Variants in OPRM1 observed in about 807,000 individuals in gnomAD.
OPRM1 encodes opioid receptor mu 1.
In OPRM1, 27 loss-of-function variants were observed where a neutral mutation model predicts 31.8. The observed-to-expected ratio is 0.85, with a 90% CI of 0.63 to 1.17. The LOEUF (loss-of-function observed/expected upper bound fraction) is 1.17. OPRM1 is among the 50% of genes most tolerant of loss of function. The probability of loss-of-function intolerance (pLI) is 0.00; values close to 1 mark genes in which losing one functional copy is unlikely to be tolerated. For missense variants in OPRM1, 536 were observed against 511.1 expected (o/e 1.05, Z -0.47); for synonymous variants, 196 against 189.9 (o/e 1.03, Z -0.26).
intron 3 of OPRM1, among the ~76,000 whole-genome samples, chr6:154,144,866 A>G (rs1437595034): frequency 1.3e-5 from 2 of 152,118 alleles, no homozygotes; most frequent in Non-Finnish European, 2.9e-5. Context: ...TATCAATAGT[A>G]AAAGAAGAAA....
intron 1 of OPRM1, among the ~76,000 whole-genome samples, chr6:154,081,051 A>G (rs1403251700): frequency 1.3e-5 from 2 of 152,210 alleles, no homozygotes; most frequent in East Asian, 3.8e-4. Context: ...GTGAGAAAGA[A>G]TAAGTGTATT....
rs1039158262 is a variant in OPRM1, at chr6:154,222,813, A to G, written c.1165-23880A>G. On this transcript the variant is annotated intron_variant, in intron 3 of 3. Transcript: ENST00000337049. ...AGCTGGTCTTGCTGGCGTATCTGCA[A>G]CTCGGGTGAGTCCTATTTAACTGCT... 10 of 248,016 alleles carry G rather than the reference A, an allele frequency of 4.0e-5. No individual in the cohort carries two copies. In the East Asian group the frequency reaches 8.5e-4, roughly 21 times the overall value. 15.4% of individuals were successfully genotyped at this position (248,016 alleles called of 1,614,324 possible). A position where few individuals can be genotyped will look rare whatever the true frequency, so the allele number is the denominator to read the frequency against.
intron 3 of OPRM1, among the ~76,000 whole-genome samples, chr6:154,210,617 G>A (rs2128604033): frequency 6.6e-6 from 1 of 152,268 alleles, no homozygotes; most frequent in East Asian, 1.9e-4. Context: ...ATATCATTAA[G>A]TTTGAAAGAT....
intron 3 of OPRM1, among the ~76,000 whole-genome samples, chr6:154,190,121 C>A (rs1386613922): frequency 6.6e-6 from 1 of 152,098 alleles, no homozygotes; most frequent in Non-Finnish European, 1.5e-5. Flanking sequence ...CAGTTTGAAT[C>A]TGGTCCCAAA....
rs1211904596 is a variant in OPRM1, at chr6:154,122,149, GGCCACACAC to G, written c.*3429_*3437del. Among the ~76,000 whole-genome samples the G allele has an allele frequency of 6.6e-6, 1 of 152,004 alleles. No individual in the cohort carries two copies. The highest frequency in any genetic ancestry group is 2.4e-5 in the African/African-American group (1 of 41,352). ...GCTTAAGTTTTTCAGCTTCTTAACTGGCCACACACACACAAGTTGTGTTTGTACAATTCT... is the reference window on the plus strand; with the variant it reads ...GCTTAAGTTTTTCAGCTTCTTAACTGACACAAGTTGTGTTTGTACAATTCT... On this transcript the variant is annotated 3_prime_UTR_variant, in exon 4 of 4. Transcript: ENST00000330432.
At chr6:154,230,384 TA>T (rs1371029658) in intron 3 of OPRM1, among the ~76,000 whole-genome samples, 1 of 152,174 alleles carries the variant, frequency 6.6e-6, no homozygotes, top group African/African-American at 2.4e-5. Flanking sequence ...AAAACTGCTC[TA>T]AAAAAATTAA....
At chr6:154,028,254 G>A (rs567969562) in intron 1 of OPRM1, among the ~76,000 whole-genome samples, 6 of 152,274 alleles carry the variant, frequency 3.9e-5, no homozygotes, top group Admixed American at 1.3e-4. Flanking sequence ...TTCTGGCCCA[G>A]GGTGTGTCTA....
At chr6:154,176,011 C>T (rs1800294676) in intron 3 of OPRM1, among the ~76,000 whole-genome samples, 1 of 152,152 alleles carries the variant, frequency 6.6e-6, no homozygotes, top group Admixed American at 6.6e-5. Flanking sequence ...TGCAAGACTG[C>T]TTCAACGTAC....
At chr6:154,239,189 A>C (rs1286509986) in intron 3 of OPRM1, among the ~76,000 whole-genome samples, 1 of 152,228 alleles carries the variant, frequency 6.6e-6, no homozygotes, top group Non-Finnish European at 1.5e-5. Flanking sequence ...GAAAGAATTT[A>C]AAGGAAAATA....
intron 3 of OPRM1, among the ~76,000 whole-genome samples, chr6:154,171,734 G>A (rs1287740244): frequency 1.3e-5 from 2 of 152,216 alleles, no homozygotes; most frequent in African/African-American, 4.8e-5. Context: ...GGTCAAGCTG[G>A]AGACACTGGA....
intron 1 of OPRM1, among the ~76,000 whole-genome samples, chr6:154,072,123 C>T (rs1381376): frequency 0.17 from 26,011 of 151,948 alleles, 2,358 homozygotes; most frequent in African/African-American, 0.22. Flanking sequence ...TGAGAATCAA[C>T]GTGGGAATGG....
At chr6:154,237,414 A>G (rs1780222138) in intron 3 of OPRM1, among the ~76,000 whole-genome samples, 1 of 152,216 alleles carries the variant, frequency 6.6e-6, no homozygotes, top group African/African-American at 2.4e-5. Context: ...CTTACACAGG[A>G]CAGATCATAG....
At chr6:154,178,178 T>C (rs1346360544) in intron 3 of OPRM1, among the ~76,000 whole-genome samples, 1 of 152,062 alleles carries the variant, frequency 6.6e-6, no homozygotes, top group Admixed American at 6.6e-5. Flanking sequence ...TTAGGAGAAA[T>C]ACCTAATGTA....
chr6:154,206,695 C>T (rs989482907), intron 3 of OPRM1, among the ~76,000 whole-genome samples: 2 of 152,164 alleles, frequency 1.3e-5, no homozygotes, highest in Non-Finnish European at 2.9e-5. Flanking sequence ...TAGAGATGTT[C>T]TCATGAAGGA....
chr6:154,093,346 G>A (rs201186543), intron 3 of OPRM1: 31 of 1,614,002 alleles, frequency 1.9e-5, no homozygotes, highest in Non-Finnish European at 2.6e-5. Context: ...CCACTGCAAG[G>A]ACCTCTTGTC....
rs139741002 is a variant in OPRM1 at position 154,165,683 on chromosome 6, CT to C, written c.1164+74213del. ...TTCTCTGCTTCCTGGTATTCAAGGC[CT>C]TGTGTAATCTCCTCCCTGAAAATGA... On this transcript the variant is annotated intron_variant, in intron 3 of 3. Transcript: ENST00000337049. Among the ~76,000 whole-genome samples the C allele has an allele frequency of 9.0e-4, 137 of 152,326 alleles. No homozygotes were observed. The East Asian group carries it at 0.022, about 24-fold the overall frequency.
At chr6:154,092,956 T>C (rs933861212) in intron 3 of OPRM1, among the ~76,000 whole-genome samples, 1 of 152,242 alleles carries the variant, frequency 6.6e-6, no homozygotes, top group Non-Finnish European at 1.5e-5. Flanking sequence ...TACGTTTTTT[T>C]CCACATCAAG....
At position 154,166,528 on chromosome 6, in the gene OPRM1, G is replaced by A. The variant is rs552907169; in HGVS notation, c.1164+75056G>A. 1.4e-4 allele frequency among the ~76,000 whole-genome samples: 21 copies of A among 152,234 alleles called. No homozygotes were observed. In the South Asian group the frequency reaches 2.9e-3, roughly 21 times the overall value. On this transcript the variant is annotated intron_variant, in intron 3 of 3. Transcript: ENST00000337049. ...CATTTCTTCCTGACTCACGGATTTC[G>A]TGACAGTGTTCCTAATGCCTCCAGT... is the stretch of plus-strand genomic sequence containing the variant.
At chr6:154,115,956 C>G (rs939265190) in intron 3 of OPRM1, among the ~76,000 whole-genome samples, 8 of 152,186 alleles carry the variant, frequency 5.3e-5, no homozygotes, top group Admixed American at 2.6e-4. Context: ...GCCTTATGAT[C>G]AGGTCCCTTT....
Sources: allele counts gnomAD v4.1 joint callset (sites outside exome capture counted in the v4.1 genomes callset), GRCh38; gene constraint gnomAD v4.1.1; transcripts MANE v1.5; gene names NCBI Gene and HGNC (gene_info 2026-07-23, HGNC 2026-07-21).